Variants in SCML2 observed in about 807,000 individuals in gnomAD.
SCML2 encodes Scm polycomb group protein like 2.
In SCML2, 6 loss-of-function variants were observed where a neutral mutation model predicts 48.4. The observed-to-expected ratio is 0.12, with a 90% CI of 0.07 to 0.24. The LOEUF (loss-of-function observed/expected upper bound fraction) is 0.24. Ranked by LOEUF, SCML2 falls within the 10% of genes least tolerant of loss-of-function variation. The probability of loss-of-function intolerance (pLI) is 1.00; values close to 1 mark genes in which losing one functional copy is unlikely to be tolerated. For synonymous variants in SCML2, 181 were observed against 189.5 expected (o/e 0.95, Z 0.37); for missense variants, 377 against 528.2 (o/e 0.71, Z 2.81).
intron 7 of SCML2, among the ~76,000 whole-genome samples, chrX:18,284,527 T>C (rs981133787): frequency 3.6e-5 from 4 of 111,515 alleles, no homozygotes; most frequent in Middle Eastern, 4.6e-3. Flanking sequence ...AAGTCTAATA[T>C]CCAGAATCTA....
chrX:18,330,260 C>T (rs778352257), intron 3 of SCML2, among the ~76,000 whole-genome samples: 2 of 111,258 alleles, frequency 1.8e-5, no homozygotes, highest in South Asian at 7.5e-4. Context: ...TTGACTGTAA[C>T]GTTAGAAGGG....
intron 1 of SCML2, among the ~76,000 whole-genome samples, chrX:18,351,669 C>G: frequency 1.7e-5 from 1 of 57,788 alleles, no homozygotes; most frequent in South Asian, 7.5e-4. Flanking sequence ...GACAGAATAA[C>G]CAGGCAAAAA....
At chrX:18,350,170 C>T (rs1374926809) in intron 1 of SCML2, among the ~76,000 whole-genome samples, 1 of 110,561 alleles carries the variant, frequency 9.0e-6, no homozygotes, top group Non-Finnish European at 1.9e-5. Flanking sequence ...ATCCCAGCTA[C>T]TCAGGGGCTG....
intron 5 of SCML2, among the ~76,000 whole-genome samples, chrX:18,321,173 A>T (rs1929305848): frequency 8.9e-6 from 1 of 111,888 alleles, no homozygotes; most frequent in South Asian, 3.7e-4. Context: ...GTGTTAGAAA[A>T]AAGACAGCTC....
chrX:18,270,663 AATCAT>A (rs1321609207), intron 7 of SCML2, among the ~76,000 whole-genome samples: 1 of 111,577 alleles, frequency 9.0e-6, no homozygotes, highest in African/African-American at 3.3e-5. Context: ...TCCCAGGAGC[AATCAT>A]ATAACATACA....
Position 18,324,016 on chromosome X carries a change from T to C in SCML2, c.240A>G (p.Val80=), listed in dbSNP as rs142669827. The C allele has an allele frequency of 4.1e-6, 5 of 1,208,595 alleles. No individual in the cohort carries two copies. The highest frequency in any genetic ancestry group is 5.9e-5 in the East Asian group (2 of 33,738). ...EARDPRNATS[V]CIATVIGITG... ...TAATTCCAATAACCGTAGCAATACA[T>C]ACTGAAGTGGCATTGCGAGGGTCAC... The change falls in exon 5 of 15, where the codon GTA becomes GTG. Residue 80 remains valine, a synonymous_variant. Transcript: ENST00000251900.
intron 3 of SCML2, among the ~76,000 whole-genome samples, chrX:18,329,216 T>C (rs758779158): frequency 9.0e-6 from 1 of 110,589 alleles, no homozygotes; most frequent in Non-Finnish European, 1.9e-5. Flanking sequence ...TGGAGAGGAG[T>C]TTGTAGGGAT....
intron 10 of SCML2, 137 bp downstream of exon 10, chrX:18,257,907 G>C: frequency 2.5e-6 from 1 of 405,354 alleles, no homozygotes. Flanking sequence ...AAGGAAGAAA[G>C]AAGAAAGGGC....
intron 8 of SCML2, among the ~76,000 whole-genome samples, chrX:18,263,522 T>C (rs1463542680): frequency 3.6e-5 from 4 of 111,844 alleles, no homozygotes; most frequent in Non-Finnish European, 7.5e-5. Context: ...TATCTGAAAA[T>C]GAAAATGTCC....
rs1334120425 is a variant in SCML2, at chrX:18,264,136, CTTTCTT to C, written c.948+1443_948+1448del. On this transcript the variant is annotated intron_variant, in intron 8 of 14. Coordinates refer to ENST00000251900, the MANE Select transcript of SCML2 (RefSeq NM_006089.3). ...AAATATTTTTTCTGCTCCAGTTTCT[CTTTCTT>C]TTCCTTTTGGGACTCCAATTACATT... 3.6e-5 allele frequency among the ~76,000 whole-genome samples: 4 copies of C among 111,354 alleles called. No individual in the cohort carries two copies. In the East Asian group the frequency reaches 1.1e-3, roughly 31 times the overall value.
intron 7 of SCML2, among the ~76,000 whole-genome samples, chrX:18,294,792 AC>A (rs1466355993): frequency 5.4e-5 from 6 of 110,383 alleles, no homozygotes; most frequent in Non-Finnish European, 1.1e-4. Context: ...GAGGCTGCCC[AC>A]CCCGATCCAG....
rs181035065 is a variant in SCML2, at chrX:18,258,600, C to T, written c.1070-353G>A. Among the ~76,000 whole-genome samples the T allele has an allele frequency of 2.5e-4, 28 of 111,327 alleles. 1 individual carries two copies. The highest frequency in any genetic ancestry group is 8.6e-4 in the Admixed American group (9 of 10,424). ...CACAAAGACAGATGAATATTTTCAT[C>T]TTTTAATTGTATACACAGTACAAGA... is the stretch of plus-strand genomic sequence containing the variant. On this transcript the variant is annotated intron_variant, in intron 9 of 14. Transcript: ENST00000251900.
intron 11 of SCML2, among the ~76,000 whole-genome samples, chrX:18,256,538 T>G (rs1262467277): frequency 9.0e-6 from 1 of 111,655 alleles, no homozygotes; most frequent in African/African-American, 3.3e-5. Context: ...TCAACACGCT[T>G]TGCTAACTTC....
intron 8 of SCML2, 152 bp from the exon 9 acceptor site, chrX:18,260,443 T>C (rs958862436): frequency 2.3e-6 from 1 of 431,236 alleles, no homozygotes; most frequent in Non-Finnish European, 3.7e-6. Flanking sequence ...TGTCATGAAC[T>C]GCAGAACTTT....
chrX:18,319,600 A>C (rs1929246509), intron 6 of SCML2, among the ~76,000 whole-genome samples: 1 of 108,168 alleles, frequency 9.2e-6, no homozygotes, highest in African/African-American at 3.4e-5. Context: ...TGTCTCAAAA[A>C]AAAAAAACAA....
At chrX:18,347,073 T>C (rs1569167462) in intron 1 of SCML2, among the ~76,000 whole-genome samples, 1 of 111,993 alleles carries the variant, frequency 8.9e-6, no homozygotes, top group Non-Finnish European at 1.9e-5. Flanking sequence ...ATAAAAGTAA[T>C]CAGAAAAACA....
At chrX:18,256,803 A>G (rs1926861860) in intron 11 of SCML2, 45 bp downstream of exon 11, 1 of 1,013,933 alleles carries the variant, frequency 9.9e-7, no homozygotes, top group East Asian at 3.3e-5. Context: ...ATTACACAAG[A>G]TTCTCAAGTG....
intron 3 of SCML2, among the ~76,000 whole-genome samples, chrX:18,327,811 G>A (rs2147547608): frequency 9.0e-6 from 1 of 111,347 alleles, no homozygotes; most frequent in South Asian, 3.8e-4. Flanking sequence ...GTTCATCTTG[G>A]CTGCCCACGT....
intron 6 of SCML2, among the ~76,000 whole-genome samples, chrX:18,311,778 G>A (rs1486109805): frequency 9.5e-6 from 1 of 105,694 alleles, no homozygotes; most frequent in East Asian, 3.1e-4. Flanking sequence ...TGACTTATGT[G>A]GGTTTTTTGT....
Sources: gnomAD v4.1 joint callset for allele counts (sites outside exome capture counted in the v4.1 genomes callset) on GRCh38, gnomAD v4.1.1 for gene constraint, MANE v1.5 for transcripts, NCBI Gene and HGNC (gene_info 2026-07-23, HGNC 2026-07-21) for gene names.